The following CCDC3 variants were observed in gnomAD, a reference collection of about 807,000 sequenced individuals.
CCDC3 encodes coiled-coil domain containing 3, also known as coiled-coil domain-containing protein 3.
In CCDC3, 24 loss-of-function variants were observed where a neutral mutation model predicts 21.4. That is an observed-to-expected ratio of 1.12 (90% CI 0.81 to 1.58). CCDC3 has a LOEUF of 1.58. Ranked by LOEUF, CCDC3 falls within the 40% of genes most tolerant of loss-of-function variation. The pLI, the probability that CCDC3 is intolerant of heterozygous loss-of-function variation, is 0.00. For synonymous variants in CCDC3, 186 were observed against 166.0 expected (o/e 1.12, Z -0.93); for missense variants, 425 against 360.9 (o/e 1.18, Z -1.44).
chr10:12,938,167 G>A (rs747240071), intron 2 of CCDC3, among the ~76,000 whole-genome samples: 2 of 152,148 alleles, frequency 1.3e-5, no homozygotes, highest in Admixed American at 6.5e-5. Context: ...TTTCCTCCCT[G>A]AACAATGGTA....
In CCDC3 at chr10:12,998,488, C is replaced by A. The variant is rs747181791; in HGVS notation, c.399G>T (p.Leu133Phe). 4.3e-6 allele frequency: 7 copies of A among 1,614,006 alleles called. No homozygotes were observed. The highest frequency in any genetic ancestry group is 5.9e-6 in the Non-Finnish European group (7 of 1,179,968). Residue 133 changes from leucine to phenylalanine, a missense_variant, in exon 2 of 3, where the codon TTG (leucine) becomes TTT (phenylalanine). Transcript: ENST00000378825. ...FLRMDENYNL[L>F]PHGVNFQDAI... ...CATCTTGGAAATTGACTCCGTGAGG[C>A]AAGAGGTTATAATTTTCATCCATCC...
In CCDC3 at chr10:12,898,591, C is replaced by G. The variant is rs774311678; in HGVS notation, c.638G>C (p.Arg213Pro). Residue 213 changes from arginine to proline, a missense_variant, in exon 3 of 3, where the codon CGC becomes CCC. Arg to Pro is a moderately radical substitution (Grantham distance 103). Coordinates refer to ENST00000378825, the MANE Select transcript of CCDC3 (RefSeq NM_031455.4). ...CACTCGCTCCCGGAGCTGCCGGTTG[C>G]GCTTCTCCAGGGTGGCCACTTTCTG... ...LQQKVATLEK[R>P]NRQLRERVKK... The G allele has an allele frequency of 6.2e-7, 1 of 1,614,218 alleles. No homozygotes were observed. The highest frequency in any genetic ancestry group is 2.2e-5 in the East Asian group (1 of 44,890).
intron 2 of CCDC3, chr10:12,924,597 A>G (rs1834504411): frequency 6.6e-6 from 1 of 152,150 alleles, no homozygotes; most frequent in Non-Finnish European, 1.5e-5. Context: ...TTTCTAATCC[A>G]CTGTCTATGA....
chr10:13,006,234 C>T (rs561904123), upstream of CCDC3, among the ~76,000 whole-genome samples: 1 of 152,278 alleles, frequency 6.6e-6, no homozygotes, highest in East Asian at 1.9e-4. Flanking sequence ...TACTGTTAGC[C>T]CTGACAGGTA....
At chr10:13,092,014 G>A (rs920473038) in intron 3 of CCDC3, among the ~76,000 whole-genome samples, 4 of 152,186 alleles carry the variant, frequency 2.6e-5, no homozygotes, top group South Asian at 2.1e-4. Context: ...CTGATGGTGG[G>A]AGGAGAGGGG....
chr10:12,902,751 T>C (rs899101624), intron 2 of CCDC3, among the ~76,000 whole-genome samples: 63 of 152,176 alleles, frequency 4.1e-4, no homozygotes, highest in African/African-American at 1.5e-3. Context: ...CACAACACTC[T>C]TCACAGTTAG....
chr10:13,001,186 G>GC lies in CCDC3; in HGVS notation c.374+10dup. ...GAGAGAGAGAGGTGGCGGCGGCGCC[G>GC]CCGGGCTCACCTGAGGAAGAAGAAA... is the stretch of plus-strand genomic sequence containing the variant. On this transcript the variant is annotated intron_variant, in intron 1 of 2. Transcript: ENST00000378825. 6.5e-7 allele frequency: 1 copy of GC among 1,545,328 alleles called. No homozygotes were observed. Among genetic ancestry groups the GC allele is most frequent in the South Asian group, 1.2e-5 (1 of 83,730 alleles).
rs552230211 is a variant in CCDC3 at position 13,032,603 on chromosome 10, G to A, written c.-2+17071C>T. 4.3e-4 allele frequency among the ~76,000 whole-genome samples: 65 copies of A among 152,270 alleles called. 1 individual carries two copies. The highest frequency in any genetic ancestry group is 9.1e-4 in the African/African-American group (38 of 41,552). On this transcript the variant is annotated intron_variant, in intron 5 of 6. Coordinates refer to the CCDC3 transcript ENST00000378839. ...ATATTTAGAAAACCCCATCATCTCAGCCCAAAATCTCCTTAAGCGGATAAG... is the reference window on the plus strand; with the variant it reads ...ATATTTAGAAAACCCCATCATCTCAACCCAAAATCTCCTTAAGCGGATAAG...
intron 5 of CCDC3, among the ~76,000 whole-genome samples, chr10:13,016,352 A>AC (rs60652007): frequency 6.7e-6 from 1 of 149,914 alleles, no homozygotes; most frequent in Non-Finnish European, 1.5e-5. Flanking sequence ...AAAAAAAAAA[A>AC]CACAACTTTC....
chr10:13,045,310 G>A (rs373141939), intron 5 of CCDC3, among the ~76,000 whole-genome samples: 2 of 152,170 alleles, frequency 1.3e-5, no homozygotes, highest in East Asian at 3.8e-4. Context: ...TATAGGTAGT[G>A]TTAATATGCA....
chr10:12,917,174 CTTCTTCTTTTTT>C (rs1362899733), intron 2 of CCDC3, among the ~76,000 whole-genome samples: 192 of 109,266 alleles, frequency 1.8e-3, no homozygotes, highest in Middle Eastern at 9.0e-3. Flanking sequence ...GTCCTTATTT[CTTCTTCTTTTTT>C]TTTTTTTTTT....
intron 5 of CCDC3, among the ~76,000 whole-genome samples, chr10:13,014,494 A>G (rs1311896798): frequency 6.6e-6 from 1 of 151,396 alleles, no homozygotes; most frequent in Non-Finnish European, 1.5e-5. Context: ...AAAGAAAGAG[A>G]GAAAGGCATG....
chr10:13,024,041 C>A (rs1222651794), intron 5 of CCDC3, among the ~76,000 whole-genome samples: 1 of 152,160 alleles, frequency 6.6e-6, no homozygotes, highest in Non-Finnish European at 1.5e-5. Flanking sequence ...GTTCTACTCC[C>A]TGGAACTGAT....
chr10:12,984,034 C>T (rs900048921), intron 2 of CCDC3, among the ~76,000 whole-genome samples: 3 of 152,094 alleles, frequency 2.0e-5, no homozygotes, highest in East Asian at 1.9e-4. Context: ...GAGCCAAGAT[C>T]GTGCCACTGC....
chr10:12,936,098 A>T (rs1054708184), intron 2 of CCDC3, among the ~76,000 whole-genome samples: 2 of 152,102 alleles, frequency 1.3e-5, no homozygotes, highest in Admixed American at 6.6e-5. Flanking sequence ...TTTCTGACCT[A>T]TATCAATTTT....
intron 2 of CCDC3, among the ~76,000 whole-genome samples, chr10:12,956,810 C>G (rs1293228191): frequency 6.6e-6 from 1 of 152,130 alleles, no homozygotes; most frequent in Non-Finnish European, 1.5e-5. Context: ...GACCTGAACA[C>G]ACTATCCTAG....
intron 2 of CCDC3, among the ~76,000 whole-genome samples, chr10:12,918,356 G>A (rs1281753655): frequency 6.6e-6 from 1 of 152,228 alleles, no homozygotes; most frequent in Admixed American, 6.5e-5. Flanking sequence ...AACCTTTGCA[G>A]TTCCATACAA....
upstream of CCDC3, among the ~76,000 whole-genome samples, chr10:13,001,966 G>C (rs576194855): frequency 1.3e-5 from 2 of 152,336 alleles, no homozygotes; most frequent in South Asian, 4.1e-4. Context: ...AGCTTGCCAG[G>C]CGTAAAGCCT....
intron 2 of CCDC3, among the ~76,000 whole-genome samples, chr10:12,982,291 G>A (rs1330339143): frequency 6.6e-6 from 1 of 151,944 alleles, no homozygotes; most frequent in Non-Finnish European, 1.5e-5. Flanking sequence ...GGGATCTCAA[G>A]CACTGAAACT....
Sources: gnomAD v4.1 joint callset for allele counts (sites outside exome capture counted in the v4.1 genomes callset) on GRCh38, gnomAD v4.1.1 for gene constraint, MANE v1.5 for transcripts, NCBI Gene and HGNC (gene_info 2026-07-23, HGNC 2026-07-21) for gene names.